Variants in PLPPR1 observed in about 807,000 individuals in gnomAD.
PLPPR1 encodes the protein phospholipid phosphatase-related protein type 1.
Under a neutral mutation model 33.1 loss-of-function variants are expected in PLPPR1, and 10 were observed. That is an observed-to-expected ratio of 0.30 (90% CI 0.19 to 0.51). The LOEUF is 0.51. PLPPR1 is among the 20% of genes least tolerant of loss of function. The pLI is 0.97. For missense variants in PLPPR1, 304 were observed against 408.1 expected, an observed-to-expected ratio of 0.74 and a Z score of 2.20; for synonymous variants, 151 against 151.0, an observed-to-expected ratio of 1.00 and a Z score of 0.00.
chr9:101,032,661 G>A (rs1340468037), intron 1 of PLPPR1, among the ~76,000 whole-genome samples: 1 of 152,086 alleles, frequency 6.6e-6, no homozygotes, highest in Non-Finnish European at 1.5e-5. Flanking sequence ...CAGCCATGAG[G>A]TGATGATTCC....
chr9:101,054,722 A>G (rs547339292), intron 1 of PLPPR1, among the ~76,000 whole-genome samples: 37 of 152,336 alleles, frequency 2.4e-4, no homozygotes, highest in African/African-American at 7.2e-4. Context: ...GGAATTCCAA[A>G]TAAATAAACA....
chr9:101,111,489 T>C (rs1831056225), intron 1 of PLPPR1, among the ~76,000 whole-genome samples: 1 of 152,196 alleles, frequency 6.6e-6, no homozygotes, highest in African/African-American at 2.4e-5. Context: ...ATTTTGGAGA[T>C]TGTATGGTGA....
At chr9:101,139,299 G>A (rs1040383634) in intron 1 of PLPPR1, among the ~76,000 whole-genome samples, 2 of 152,112 alleles carry the variant, frequency 1.3e-5, no homozygotes, top group African/African-American at 4.8e-5. Flanking sequence ...TCTCCCATGC[G>A]GTGAGACCTG....
intron 4 of PLPPR1, among the ~76,000 whole-genome samples, chr9:101,297,506 G>C (rs372630540): frequency 2.4e-4 from 37 of 152,118 alleles, no homozygotes; most frequent in African/African-American, 8.5e-4. Context: ...GACTTTGACG[G>C]AGAGTATTAA....
rs71509715 is a variant in PLPPR1, at chr9:101,050,153, A to G, written c.-46+21051A>G. 1.1e-3 allele frequency among the ~76,000 whole-genome samples: 169 copies of G among 149,866 alleles called. 1 individual carries two copies. Among genetic ancestry groups the G allele is most frequent in the African/African-American group, 3.9e-3 (161 of 40,794 alleles). ...AAAAAAAAAAAAAAAAAAAAAGAGT[A>G]TAAGCAATTCTCTGAGTTTTTTACA... On this transcript the variant is annotated intron_variant, in intron 1 of 7. Transcript: ENST00000374874.
chr9:101,165,483 T>C (rs533994969), intron 1 of PLPPR1, among the ~76,000 whole-genome samples: 16 of 152,322 alleles, frequency 1.1e-4, no homozygotes, highest in African/African-American at 3.8e-4. Context: ...ATGCAAATAC[T>C]TGTAGGAACT....
At chr9:101,234,632 A>G (rs755737994) in intron 2 of PLPPR1, among the ~76,000 whole-genome samples, 11 of 152,078 alleles carry the variant, frequency 7.2e-5, no homozygotes, top group South Asian at 2.1e-4. Context: ...TTAGAGAGAG[A>G]GAGATCTCAA....
At chr9:101,260,521 G>C (rs1827880063) in intron 2 of PLPPR1, among the ~76,000 whole-genome samples, 1 of 152,160 alleles carries the variant, frequency 6.6e-6, no homozygotes, top group African/African-American at 2.4e-5. Flanking sequence ...TGAAGAGAAA[G>C]CTAGGGGAAG....
At chr9:101,203,578 A>G (rs1300706991) in intron 2 of PLPPR1, among the ~76,000 whole-genome samples, 1 of 152,246 alleles carries the variant, frequency 6.6e-6, no homozygotes, top group East Asian at 1.9e-4. Flanking sequence ...AAATAAGGCA[A>G]TGGGACTTAT....
intron 1 of PLPPR1, among the ~76,000 whole-genome samples, chr9:101,175,375 C>T (rs1229479013): frequency 6.6e-6 from 1 of 151,980 alleles, no homozygotes; most frequent in Non-Finnish European, 1.5e-5. Context: ...ACATTTTTGT[C>T]TACCTAAAAG....
intron 1 of PLPPR1, among the ~76,000 whole-genome samples, chr9:101,076,998 A>T (rs1267089294): frequency 2.0e-5 from 3 of 152,150 alleles, no homozygotes. Context: ...TCACAGGTAG[A>T]CCTGTGCCAC....
chr9:101,097,993 T>C lies in PLPPR1; in HGVS notation c.-46+68891T>C, dbSNP rs79899894. 5.1e-3 allele frequency among the ~76,000 whole-genome samples: 769 copies of C among 152,064 alleles called. 1 individual carries two copies. The highest frequency in any genetic ancestry group is 8.1e-3 in the Non-Finnish European group (548 of 67,954). On this transcript the variant is annotated intron_variant, in intron 1 of 7. Transcript: ENST00000374874. ...ATGAGACATCAGGTCACAGAAGTCC[T>C]TGTGGCCTATAACACTGAACCTGAA...
chr9:101,143,424 G>A (rs1008345879), intron 1 of PLPPR1, among the ~76,000 whole-genome samples: 1 of 152,000 alleles, frequency 6.6e-6, no homozygotes, highest in Non-Finnish European at 1.5e-5. Flanking sequence ...TCTGTTTTAA[G>A]CCAGGGCCTC....
At chr9:101,288,163 G>A (rs1231941902) in intron 4 of PLPPR1, among the ~76,000 whole-genome samples, 2 of 152,058 alleles carry the variant, frequency 1.3e-5, no homozygotes, top group Non-Finnish European at 2.9e-5. Flanking sequence ...TCTGTTTATT[G>A]AGGGATGCCA....
In PLPPR1 at chr9:101,046,540, C is replaced by T. The variant is rs376985724; in HGVS notation, c.-46+17438C>T. Among the ~76,000 whole-genome samples the T allele has an allele frequency of 8.0e-5, 12 of 149,942 alleles. No homozygotes were observed. The East Asian group carries it at 1.6e-3, about 20-fold the overall frequency. ...CTGCAAGCTCTGCCTCCCGGGTTCA[C>T]GCCATTCTCCTGCCTCAGCCTCCCG... is the stretch of plus-strand genomic sequence containing the variant. On this transcript the variant is annotated intron_variant, in intron 1 of 7. Transcript: ENST00000374874.
chr9:101,147,225 C>T (rs1831531703), intron 1 of PLPPR1, among the ~76,000 whole-genome samples: 1 of 152,128 alleles, frequency 6.6e-6, no homozygotes. Flanking sequence ...TTTCCAATGT[C>T]TGCACATTTA....
intron 1 of PLPPR1, among the ~76,000 whole-genome samples, chr9:101,098,727 A>G (rs2987756): frequency 0.42 from 64,082 of 151,550 alleles, 13,743 homozygotes; most frequent in Non-Finnish European, 0.47. Flanking sequence ...GTCAAGGATC[A>G]AGTGTGTGGT....
intron 1 of PLPPR1, among the ~76,000 whole-genome samples, chr9:101,160,319 G>A (rs1831756331): frequency 6.6e-6 from 1 of 152,112 alleles, no homozygotes; most frequent in South Asian, 2.1e-4. Context: ...AAAATGAGAT[G>A]GTAATCTCCA....
intron 1 of PLPPR1, among the ~76,000 whole-genome samples, chr9:101,135,370 C>T (rs1388223953): frequency 6.6e-6 from 1 of 152,154 alleles, no homozygotes; most frequent in African/African-American, 2.4e-5. Flanking sequence ...TCCCAGGCAA[C>T]GTGTTTTCTA....
Sources: gnomAD v4.1 joint callset for allele counts (sites outside exome capture counted in the v4.1 genomes callset) on GRCh38, gnomAD v4.1.1 for gene constraint, MANE v1.5 for transcripts, NCBI Gene and HGNC (gene_info 2026-07-23, HGNC 2026-07-21) for gene names.